The following SLIT2 variants were observed in gnomAD, a reference collection of about 807,000 sequenced individuals.
The protein encoded by SLIT2 is slit guidance ligand 2, also known as slit homolog 2 protein.
A neutral mutation model predicts 185.7 loss-of-function variants in SLIT2; 41 were observed. The observed-to-expected ratio is 0.22, with a 90% CI of 0.17 to 0.29. SLIT2 has a LOEUF of 0.29. Among genes scored for constraint, SLIT2 ranks in the 10% least tolerant of loss-of-function variants. The pLI, the probability that SLIT2 is intolerant of heterozygous loss-of-function variation, is 1.00. For synonymous variants in SLIT2, 693 were observed against 680.2 expected (o/e 1.02, Z -0.29); for missense variants, 1,571 against 1,909.0 (o/e 0.82, Z 3.30).
rs550363741 is a variant in SLIT2 at position 20,487,606 on chromosome 4, G to A, written c.612-1213G>A. On this transcript the variant is annotated intron_variant, in intron 7 of 36. Coordinates refer to ENST00000504154, the MANE Select transcript of SLIT2 (RefSeq NM_004787.4). ...GAAATATTTAGAGTACAAGGATATG[G>A]AATGTGCCTCTGTGGCTTCCAAAGG... Among the ~76,000 whole-genome samples, 127 of 152,216 alleles carry A rather than the reference G, an allele frequency of 8.3e-4. 1 individual carries two copies. Among genetic ancestry groups the A allele is most frequent in the African/African-American group, 2.9e-3 (121 of 41,534 alleles).
chr4:20,275,448 A>C (rs897999046), intron 4 of SLIT2, among the ~76,000 whole-genome samples: 2 of 152,162 alleles, frequency 1.3e-5, no homozygotes, highest in African/African-American at 4.8e-5. Context: ...TATGATAGAA[A>C]CTATAATTAT....
chr4:20,489,351 C>A (rs1352593669), intron 8 of SLIT2, among the ~76,000 whole-genome samples: 1 of 152,130 alleles, frequency 6.6e-6, no homozygotes, highest in Non-Finnish European at 1.5e-5. Flanking sequence ...TGGATCCCTG[C>A]TATGAAATTC....
chr4:20,307,917 A>G (rs1218481675), intron 4 of SLIT2, among the ~76,000 whole-genome samples: 1 of 152,162 alleles, frequency 6.6e-6, no homozygotes, highest in East Asian at 1.9e-4. Context: ...TCGTTTTCAC[A>G]ACACAGCAGC....
At chr4:20,485,641 T>C (rs1717151703) in intron 6 of SLIT2, among the ~76,000 whole-genome samples, 1 of 152,174 alleles carries the variant, frequency 6.6e-6, no homozygotes, top group Non-Finnish European at 1.5e-5. Flanking sequence ...CCCCACCTGG[T>C]GCAAGTACCA....
chr4:20,567,414 GT>G, intron 27 of SLIT2, 28 bp downstream of exon 27: 1 of 1,613,012 alleles, frequency 6.2e-7, no homozygotes, highest in Admixed American at 1.7e-5. Flanking sequence ...AAGAGTCACA[GT>G]TTGAGAGCAT....
At chr4:20,532,100 T>G in intron 17 of SLIT2, 42 bp downstream of exon 17, 1 of 1,163,622 alleles carries the variant, frequency 8.6e-7, no homozygotes, top group Non-Finnish European at 1.2e-6. Context: ...CTGTAGCATT[T>G]TTTGGGTGTT....
At chr4:20,435,090 C>G (rs1479478753) in intron 4 of SLIT2, among the ~76,000 whole-genome samples, 1 of 151,990 alleles carries the variant, frequency 6.6e-6, no homozygotes, top group Non-Finnish European at 1.5e-5. Context: ...AGTTTTTTTG[C>G]TCATAAAAAT....
At chr4:20,310,264 G>A (rs998560618) in intron 4 of SLIT2, among the ~76,000 whole-genome samples, 14 of 152,128 alleles carry the variant, frequency 9.2e-5, no homozygotes, top group African/African-American at 2.4e-5. Context: ...CAACACTAGA[G>A]TTTATATCTC....
intron 31 of SLIT2, 94 bp from the exon 32 acceptor site, chr4:20,596,321 T>A: frequency 8.5e-7 from 1 of 1,172,526 alleles, no homozygotes; most frequent in South Asian, 1.5e-5. Flanking sequence ...GAAGTGCACA[T>A]ATATAATATA....
chr4:20,483,950 TTTCAGTCATTGAG>T (rs1198531451), intron 6 of SLIT2, among the ~76,000 whole-genome samples: 1 of 152,102 alleles, frequency 6.6e-6, no homozygotes, highest in East Asian at 1.9e-4. Flanking sequence ...TCTGCATATT[TTTCAGTCATTGAG>T]TATCAGTATC....
At chr4:20,472,403 G>GATATCT (rs1715370887) in intron 5 of SLIT2, among the ~76,000 whole-genome samples, 1 of 44,862 alleles carries the variant, frequency 2.2e-5, no homozygotes, top group Non-Finnish European at 3.7e-5. Context: ...TATAGATATA[G>GATATCT]ATATCTATAT....
intron 9 of SLIT2, among the ~76,000 whole-genome samples, chr4:20,499,473 A>G (rs191759464): frequency 5.3e-5 from 8 of 152,208 alleles, no homozygotes; most frequent in Non-Finnish European, 4.4e-5. Context: ...TTTCAAAGTC[A>G]TCTGACTTTG....
intron 9 of SLIT2, among the ~76,000 whole-genome samples, chr4:20,494,172 G>A (rs921250470): frequency 2.6e-5 from 4 of 152,164 alleles, no homozygotes; most frequent in Admixed American, 6.5e-5. Context: ...AGGCCTCTTC[G>A]GAGGCTATTT....
At position 20,484,956 on chromosome 4, in the gene SLIT2, ATTTCTGTTCTCTGC is replaced by A. The variant is rs1178137361; in HGVS notation, c.540-1242_540-1229del. On this transcript the variant is annotated intron_variant, in intron 6 of 36. Transcript: ENST00000504154. The surrounding 1 kb of genome is among the most constrained non-coding windows in gnomAD (Gnocchi z 4.3). ...TTTTTGCACGTGGCCTGCTTCGCTCATTTCTGTTCTCTGCTCAGGCCCTGCAGTGAACTTGCAAC... is the reference window on the plus strand; with the variant it reads ...TTTTTGCACGTGGCCTGCTTCGCTCATCAGGCCCTGCAGTGAACTTGCAAC... 1.3e-5 allele frequency among the ~76,000 whole-genome samples: 2 copies of A among 151,958 alleles called. No individual in the cohort carries two copies. Among genetic ancestry groups the A allele is most frequent in the Non-Finnish European group, 2.9e-5 (2 of 67,988 alleles).
chr4:20,603,755 C>A (rs570173707), intron 33 of SLIT2, among the ~76,000 whole-genome samples: 6 of 152,126 alleles, frequency 3.9e-5, no homozygotes, highest in Non-Finnish European at 7.3e-5. Context: ...TGGCTACATA[C>A]ACTCTGGGTT....
At chr4:20,564,681 T>A (rs939427947) in intron 26 of SLIT2, among the ~76,000 whole-genome samples, 7 of 151,910 alleles carry the variant, frequency 4.6e-5, no homozygotes, top group Non-Finnish European at 8.8e-5. Context: ...AAGTTGGAAC[T>A]CAGTATTTTG....
chr4:20,559,983 A>G (rs1486604053), intron 26 of SLIT2, among the ~76,000 whole-genome samples: 1 of 151,934 alleles, frequency 6.6e-6, no homozygotes, highest in South Asian at 2.1e-4. Context: ...TTAATCTATT[A>G]ATTAAAATAA....
chr4:20,266,810 G>A (rs1713079742), intron 3 of SLIT2, among the ~76,000 whole-genome samples: 1 of 151,992 alleles, frequency 6.6e-6, no homozygotes, highest in Non-Finnish European at 1.5e-5. Flanking sequence ...ACACAGCCAA[G>A]AGAAGCACTA....
At chr4:20,327,964 A>T (rs1719740243) in intron 4 of SLIT2, among the ~76,000 whole-genome samples, 1 of 152,062 alleles carries the variant, frequency 6.6e-6, no homozygotes, top group Non-Finnish European at 1.5e-5. Context: ...ATGGAACATG[A>T]TGCCTTTGGC....
Sources: gnomAD v4.1 joint callset for allele counts (sites outside exome capture counted in the v4.1 genomes callset) on GRCh38, gnomAD v4.1.1 for gene constraint, Gnocchi (gnomAD v3.1) non-coding constraint, MANE v1.5 for transcripts, NCBI Gene and HGNC (gene_info 2026-07-23, HGNC 2026-07-21) for gene names.